Variants in ZC3H12C observed in about 807,000 individuals in gnomAD.
ZC3H12C encodes probable ribonuclease ZC3H12C.
ZC3H12C carries 20 observed loss-of-function variants against 76.3 expected under a neutral mutation model. The observed-to-expected ratio is 0.26, with a 90% CI of 0.18 to 0.38. ZC3H12C has a LOEUF of 0.38. Ranked by LOEUF, ZC3H12C falls within the 10% of genes least tolerant of loss-of-function variation. The pLI is 1.00. For synonymous variants in ZC3H12C, 352 were observed against 399.6 expected (o/e 0.88, Z 1.42); for missense variants, 874 against 1,086.5 (o/e 0.80, Z 2.75).
At chr11:110,106,378 G>A (rs1002457911) in intron 1 of ZC3H12C, among the ~76,000 whole-genome samples, 12 of 152,254 alleles carry the variant, frequency 7.9e-5, no homozygotes, top group Middle Eastern at 3.4e-3. Flanking sequence ...TCCCCACACA[G>A]CCTATTTACG....
In ZC3H12C at chr11:110,165,670, C is replaced by A; in HGVS notation, c.2585C>A (p.Pro862His). ...DLVRIVMKRN[P>H]HMTDAQQLAA... is the part of the protein sequence containing the mutation. Reference sequence around the variant, plus strand: ...GTGAGAATTGTCATGAAAAGGAATCCTCACATGACAGACGCCCAGCAGCTC... The same window carrying A: ...GTGAGAATTGTCATGAAAAGGAATCATCACATGACAGACGCCCAGCAGCTC... The change falls in exon 6 of 6, where the codon CCT (proline) becomes CAT (histidine). Residue 862 changes from proline to histidine, a missense_variant. Transcript: ENST00000278590. The A allele has an allele frequency of 6.3e-7, 1 of 1,598,296 alleles. No homozygotes were observed. Among genetic ancestry groups the A allele is most frequent in the Non-Finnish European group, 8.5e-7 (1 of 1,171,940 alleles).
intron 2 of ZC3H12C, among the ~76,000 whole-genome samples, chr11:110,145,498 A>G (rs922802145): frequency 2.0e-5 from 3 of 152,022 alleles, no homozygotes; most frequent in South Asian, 2.1e-4. Context: ...TGAGGTTTCA[A>G]TTAACCCAAT....
intron 1 of ZC3H12C, among the ~76,000 whole-genome samples, chr11:110,104,577 G>A (rs888158298): frequency 6.6e-6 from 1 of 152,178 alleles, no homozygotes; most frequent in Non-Finnish European, 1.5e-5. Flanking sequence ...AGATAATCTA[G>A]GTTGAAGACC....
At chr11:110,119,066 T>C (rs1390041515) in intron 1 of ZC3H12C, among the ~76,000 whole-genome samples, 1 of 151,980 alleles carries the variant, frequency 6.6e-6, no homozygotes, top group Non-Finnish European at 1.5e-5. Context: ...GATAAGAATA[T>C]GAAAATGAGA....
At chr11:110,111,808 G>T (rs966340500) in intron 1 of ZC3H12C, among the ~76,000 whole-genome samples, 1 of 151,180 alleles carries the variant, frequency 6.6e-6, no homozygotes, top group African/African-American at 2.4e-5. Flanking sequence ...ATCCCAAGGT[G>T]CTGAGATTAC....
chr11:110,130,668 A>C (rs888807287), intron 1 of ZC3H12C, among the ~76,000 whole-genome samples: 1 of 152,348 alleles, frequency 6.6e-6, no homozygotes, highest in Middle Eastern at 3.4e-3. Context: ...CATTAAAAAC[A>C]AGGAGGAAAA....
At chr11:110,130,930 G>A in intron 1 of ZC3H12C, 1 of 1,159,770 alleles carries the variant, frequency 8.6e-7, no homozygotes, top group South Asian at 1.5e-5. Context: ...GAGCTTTCTG[G>A]CCTATGATTG....
intron 2 of ZC3H12C, among the ~76,000 whole-genome samples, chr11:110,145,652 G>A (rs1163226728): frequency 6.6e-6 from 1 of 151,950 alleles, no homozygotes; most frequent in East Asian, 1.9e-4. Flanking sequence ...CATATCCTAT[G>A]TGGTATTTTA....
At chr11:110,136,622 C>A (rs1467728733) in intron 1 of ZC3H12C, 41 bp from the exon 2 acceptor site, 8 of 1,573,890 alleles carry the variant, frequency 5.1e-6, no homozygotes, top group Non-Finnish European at 6.9e-6. Flanking sequence ...AGAAATCTAG[C>A]CATAACTATG....
At chr11:110,127,439 G>A (rs578041183) in intron 1 of ZC3H12C, among the ~76,000 whole-genome samples, 4 of 152,176 alleles carry the variant, frequency 2.6e-5, no homozygotes, top group Admixed American at 2.0e-4. Flanking sequence ...TTTACACTAT[G>A]TGTGTGAATT....
intron 1 of ZC3H12C, among the ~76,000 whole-genome samples, chr11:110,128,258 G>T (rs944073525): frequency 1.3e-5 from 2 of 152,146 alleles, no homozygotes; most frequent in African/African-American, 4.8e-5. Context: ...AAGAAAGCCA[G>T]CCTGGGGGCT....
In ZC3H12C at chr11:110,118,039, T is replaced by G. The variant is rs576157726; in HGVS notation, c.22-18624T>G. ...CACACACACATATATATTATATATA[T>G]ATACACATATATATTATATATATAC... On this transcript the variant is annotated intron_variant, in intron 1 of 5. Transcript: ENST00000278590. Among the ~76,000 whole-genome samples the G allele has an allele frequency of 1.6e-3, 134 of 86,392 alleles. 12 individuals are homozygous for G. The highest frequency in any genetic ancestry group is 5.6e-3 in the African/African-American group (133 of 23,650). The allele number at this position is 86,392 out of a possible 152,430, so 56.7% of individuals were successfully genotyped here.
chr11:110,113,500 T>C (rs1421353925), intron 1 of ZC3H12C, among the ~76,000 whole-genome samples: 7 of 152,254 alleles, frequency 4.6e-5, no homozygotes, highest in Non-Finnish European at 1.0e-4. Flanking sequence ...TTGAGGACTA[T>C]AATATAATTG....
At chr11:110,153,332 C>T (rs1309296359) in intron 3 of ZC3H12C, among the ~76,000 whole-genome samples, 2 of 152,080 alleles carry the variant, frequency 1.3e-5, no homozygotes, top group African/African-American at 2.4e-5. Flanking sequence ...GGATTACAGG[C>T]GTGTGCCACC....
intron 1 of ZC3H12C, among the ~76,000 whole-genome samples, chr11:110,097,636 A>T (rs1281819009): frequency 1.3e-5 from 2 of 152,210 alleles, no homozygotes; most frequent in Admixed American, 6.5e-5. Context: ...ACCGAACCAC[A>T]ATGTGGTCAA....
intron 2 of ZC3H12C, among the ~76,000 whole-genome samples, chr11:110,141,730 G>C (rs1275205147): frequency 1.3e-5 from 2 of 152,162 alleles, no homozygotes; most frequent in African/African-American, 2.4e-5. Flanking sequence ...CCCAAATTGA[G>C]ATATGCTGTA....
chr11:110,155,384 T>C (rs1391709614), intron 3 of ZC3H12C, among the ~76,000 whole-genome samples: 1 of 152,130 alleles, frequency 6.6e-6, no homozygotes, highest in African/African-American at 2.4e-5. Flanking sequence ...GTGGAAATTG[T>C]TACAACCTGT....
chr11:110,095,052 A>C (rs1861088889), intron 1 of ZC3H12C, among the ~76,000 whole-genome samples: 1 of 152,226 alleles, frequency 6.6e-6, no homozygotes, highest in South Asian at 2.1e-4. Context: ...GTCTAACGGA[A>C]CTATTTTAGT....
intron 5 of ZC3H12C, among the ~76,000 whole-genome samples, chr11:110,163,688 C>A (rs1000482570): frequency 6.6e-6 from 1 of 152,152 alleles, no homozygotes; most frequent in Non-Finnish European, 1.5e-5. Flanking sequence ...GAGCATGGTT[C>A]TATCGCCCTA....
Sources: gnomAD v4.1 joint callset for allele counts (sites outside exome capture counted in the v4.1 genomes callset) on GRCh38, gnomAD v4.1.1 for gene constraint, MANE v1.5 for transcripts, NCBI Gene and HGNC (gene_info 2026-07-23, HGNC 2026-07-21) for gene names.